Variants in ZMAT4 observed in about 807,000 individuals in gnomAD.
ZMAT4 encodes zinc finger matrin-type 4.
Under a neutral mutation model 28.7 loss-of-function variants are expected in ZMAT4, and 17 were observed. The observed-to-expected ratio is 0.59, with a 90% CI of 0.41 to 0.89. The LOEUF is 0.89. Ranked by LOEUF, ZMAT4 falls within the 40% of genes least tolerant of loss-of-function variation. The pLI, the probability that ZMAT4 is intolerant of heterozygous loss-of-function variation, is 0.00. For missense variants in ZMAT4, 240 were observed against 283.8 expected, an observed-to-expected ratio of 0.85 and a Z score of 1.11; for synonymous variants, 117 against 109.2, an observed-to-expected ratio of 1.07 and a Z score of -0.44.
intron 5 of ZMAT4, among the ~76,000 whole-genome samples, chr8:40,658,619 T>TAC (rs3038825): frequency 0.043 from 6,272 of 145,410 alleles, 146 homozygotes; most frequent in East Asian, 0.097. Context: ...GTTAGACACA[T>TAC]ACACACACAC....
intron 2 of ZMAT4, among the ~76,000 whole-genome samples, chr8:40,770,244 T>C (rs1378690609): frequency 1.3e-5 from 2 of 152,178 alleles, no homozygotes; most frequent in African/African-American, 4.8e-5. Context: ...CCAGATTCAC[T>C]GCTTTCCCTG....
rs555407915 is a variant in ZMAT4 at position 40,861,643 on chromosome 8, T to C, written c.-4-35963A>G. Among the ~76,000 whole-genome samples, 7 of 152,262 alleles carry C rather than the reference T, an allele frequency of 4.6e-5. No homozygotes were observed. The South Asian group carries it at 8.3e-4, about 18-fold the overall frequency. ...CAGAGTGAACAGGCAGCCTACAGAA[T>C]GGGAGAAAGTTTTTGCAATCTACTC... is the stretch of plus-strand genomic sequence containing the variant. On this transcript the variant is annotated intron_variant, in intron 1 of 6. Coordinates refer to ENST00000297737, the MANE Select transcript of ZMAT4 (RefSeq NM_024645.3).
Position 40,734,461 on chromosome 8 carries a change from A to T in ZMAT4, c.192+33180T>A, listed in dbSNP as rs75726978. ...AACAAAGTCTGGAAGATTTGGGTGT[A>T]AATTTAGACGATTTCCTTGTGAAGA... On this transcript the variant is annotated intron_variant, in intron 3 of 6. Coordinates refer to ENST00000297737, the MANE Select transcript of ZMAT4 (RefSeq NM_024645.3). Among the ~76,000 whole-genome samples, 306 of 152,336 alleles carry T rather than the reference A, an allele frequency of 2.0e-3. 6 individuals carry two copies. In the East Asian group the frequency reaches 0.055, roughly 27 times the overall value.
intron 6 of ZMAT4, among the ~76,000 whole-genome samples, chr8:40,579,452 T>C (rs1441465263): frequency 1.3e-5 from 2 of 152,148 alleles, no homozygotes; most frequent in African/African-American, 4.8e-5. Context: ...AACTCTAGTA[T>C]TCCATAACAA....
intron 1 of ZMAT4, among the ~76,000 whole-genome samples, chr8:40,864,748 T>G (rs1322579966): frequency 2.0e-5 from 3 of 152,212 alleles, no homozygotes; most frequent in African/African-American, 4.8e-5. Flanking sequence ...AGCAAAAACA[T>G]AGAGAGAGCC....
chr8:40,650,053 G>A (rs1807559923), intron 5 of ZMAT4, among the ~76,000 whole-genome samples: 1 of 152,040 alleles, frequency 6.6e-6, no homozygotes, highest in Non-Finnish European at 1.5e-5. Flanking sequence ...AAAGCTAGAA[G>A]AAGGCAAGAA....
At chr8:40,713,921 C>CAAAAAAAAAAAAAAAAAAGAAAAAA (rs1810735295) in intron 3 of ZMAT4, among the ~76,000 whole-genome samples, 8 of 49,890 alleles carry the variant, frequency 1.6e-4, no homozygotes, top group Non-Finnish European at 2.6e-4. Context: ...AAAACAAAAC[C>CAAAAAAAAAAAAAAAAAAGAAAAAA]AAAAAAAAAA....
intron 2 of ZMAT4, among the ~76,000 whole-genome samples, chr8:40,794,989 C>A (rs1267971708): frequency 6.6e-6 from 1 of 152,126 alleles, no homozygotes; most frequent in Non-Finnish European, 1.5e-5. Flanking sequence ...GTGACAGATG[C>A]AGAAACACTC....
intron 2 of ZMAT4, among the ~76,000 whole-genome samples, chr8:40,818,935 T>A (rs1815645257): frequency 6.6e-6 from 1 of 152,214 alleles, no homozygotes; most frequent in African/African-American, 2.4e-5. Flanking sequence ...TGGAAAGTCA[T>A]GAAACTTTAA....
Position 40,629,468 on chromosome 8 carries a change from C to T in ZMAT4, c.577+45236G>A, listed in dbSNP as rs370978503. Among the ~76,000 whole-genome samples the T allele has an allele frequency of 1.3e-3, 193 of 151,584 alleles. 1 individual carries two copies. Among genetic ancestry groups the T allele is most frequent in the Non-Finnish European group, 2.2e-3 (150 of 67,934 alleles). On this transcript the variant is annotated intron_variant, in intron 5 of 6. Coordinates refer to ENST00000297737, the MANE Select transcript of ZMAT4 (RefSeq NM_024645.3). ...ATGTGCACAACATGCAGGTTTGTTA[C>T]ATATGTATACATGTGCCATGTTGGT... is the stretch of plus-strand genomic sequence containing the variant.
chr8:40,730,274 A>C (rs758272586), intron 3 of ZMAT4, among the ~76,000 whole-genome samples: 14 of 152,188 alleles, frequency 9.2e-5, no homozygotes, highest in Non-Finnish European at 1.8e-4. Flanking sequence ...TGAAAGATGA[A>C]AGAGACCAGC....
intron 5 of ZMAT4, among the ~76,000 whole-genome samples, chr8:40,667,076 TGCA>T: frequency 6.6e-6 from 1 of 152,070 alleles, no homozygotes; most frequent in East Asian, 1.9e-4. Context: ...AATGTAAAGA[TGCA>T]GTATTAAATC....
At chr8:40,757,634 C>T (rs969535160) in intron 3 of ZMAT4, among the ~76,000 whole-genome samples, 1 of 151,654 alleles carries the variant, frequency 6.6e-6, no homozygotes, top group African/African-American at 2.4e-5. Context: ...ATATACTGTA[C>T]CATACTTTAT....
In ZMAT4 at chr8:40,871,456, G is replaced by A. The variant is rs561968454; in HGVS notation, c.-5+26227C>T. Among the ~76,000 whole-genome samples, 5 of 152,308 alleles carry A rather than the reference G, an allele frequency of 3.3e-5. No homozygotes were observed. In the South Asian group the frequency reaches 1.0e-3, roughly 32 times the overall value. On this transcript the variant is annotated intron_variant, in intron 1 of 6. Transcript: ENST00000297737. ...ACTTCAGGCACCAGAAAAAAAGACA[G>A]CCATGTTTCTCTAACTTCATATCCA...
At chr8:40,562,733 G>A (rs890842026) in intron 6 of ZMAT4, among the ~76,000 whole-genome samples, 7 of 152,040 alleles carry the variant, frequency 4.6e-5, no homozygotes, top group African/African-American at 1.7e-4. Context: ...CAAGCCATCT[G>A]TCAATCCTCT....
chr8:40,836,421 A>G (rs1816491698), intron 1 of ZMAT4, among the ~76,000 whole-genome samples: 1 of 152,192 alleles, frequency 6.6e-6, no homozygotes, highest in Non-Finnish European at 1.5e-5. Flanking sequence ...GCAAGAAAAA[A>G]TCTTGCTCAC....
At chr8:40,563,648 T>C (rs1475275285) in intron 6 of ZMAT4, among the ~76,000 whole-genome samples, 2 of 152,192 alleles carry the variant, frequency 1.3e-5, no homozygotes, top group Non-Finnish European at 1.5e-5. Flanking sequence ...GACTTTAAAA[T>C]TTGAATTACA....
intron 1 of ZMAT4, among the ~76,000 whole-genome samples, chr8:40,842,969 G>A (rs1461166314): frequency 6.6e-6 from 1 of 152,086 alleles, no homozygotes; most frequent in Non-Finnish European, 1.5e-5. Context: ...TAGAGATGGG[G>A]TTTCGCCATG....
intron 5 of ZMAT4, among the ~76,000 whole-genome samples, chr8:40,651,243 A>G (rs1429642794): frequency 6.6e-6 from 1 of 152,132 alleles, no homozygotes; most frequent in Non-Finnish European, 1.5e-5. Context: ...AGGATACAAA[A>G]TCAATGTACA....
Sources: allele counts gnomAD v4.1 joint callset (sites outside exome capture counted in the v4.1 genomes callset), GRCh38; gene constraint gnomAD v4.1.1; transcripts MANE v1.5; gene names NCBI Gene and HGNC (gene_info 2026-07-23, HGNC 2026-07-21).